DSTYK: variants seen among roughly 807,000 people sequenced by gnomAD.
DSTYK encodes RIP-homologous kinase.
DSTYK carries 34 observed loss-of-function variants against 98.7 expected under a neutral mutation model. That is an observed-to-expected ratio of 0.34 (90% CI 0.26 to 0.46). The LOEUF is 0.46. Among genes scored for constraint, DSTYK ranks in the 20% least tolerant of loss-of-function variants. The pLI, the probability that DSTYK is intolerant of heterozygous loss-of-function variation, is 1.00. For missense variants in DSTYK, 962 were observed against 1,181.7 expected, an observed-to-expected ratio of 0.81 and a Z score of 2.73; for synonymous variants, 462 against 457.3, an observed-to-expected ratio of 1.01 and a Z score of -0.13.
Position 205,162,144 on chromosome 1 carries a change from C to T in DSTYK, c.1710G>A (p.Gln570=), listed in dbSNP as rs553558535. 3 of 1,614,160 alleles carry T rather than the reference C, an allele frequency of 1.9e-6. No homozygotes were observed. Among genetic ancestry groups the T allele is most frequent in the South Asian group, 2.2e-5 (2 of 91,076 alleles). ...ITLEWKRKVA[Q]EAIESLSASK... ...AGGCGCTGAGGCTCTCAATGGCTTC[C>T]TGGGCCACCTTCCTCTTCCATTCCA... is the stretch of plus-strand genomic sequence containing the variant. The change falls in exon 6 of 13, where the codon CAG becomes CAA. Residue 570 remains glutamine, a synonymous_variant. Transcript: ENST00000367162.
chr1:205,207,785 A>G lies in DSTYK; in HGVS notation c.265+3486T>C, dbSNP rs1418365814. On this transcript the variant is annotated intron_variant, in intron 1 of 12. Transcript: ENST00000367162. ...AAAAAAAAAAAAAAAAAAAAAAAAAAAAAAAAAAGAAAAAAAATACTTTTC... is the reference window on the plus strand; with the variant it reads ...AAAAAAAAAAAAAAAAAAAAAAAAAGAAAAAAAAGAAAAAAAATACTTTTC... Among the ~76,000 whole-genome samples, 15 of 137,200 alleles carry G rather than the reference A, an allele frequency of 1.1e-4. No individual in the cohort carries two copies. The South Asian group carries it at 1.7e-3, about 16-fold the overall frequency. The allele number at this position is 137,200 out of a possible 152,430, so 90.0% of individuals were successfully genotyped here.
chr1:205,178,926 G>C (rs558635310), intron 2 of DSTYK, among the ~76,000 whole-genome samples: 5 of 151,516 alleles, frequency 3.3e-5, no homozygotes, highest in African/African-American at 1.2e-4. Flanking sequence ...CTTCAGCCTA[G>C]AAGACCAGCC....
intron 3 of DSTYK, among the ~76,000 whole-genome samples, chr1:205,165,652 A>G (rs1279922370): frequency 6.6e-6 from 1 of 152,220 alleles, no homozygotes; most frequent in Non-Finnish European, 1.5e-5. Context: ...CAACCAAGAA[A>G]AATCTACATA....
Position 205,161,428 on chromosome 1 carries a change from T to C in DSTYK, c.1819-41A>G, listed in dbSNP as rs1049281932. 13 of 1,605,920 alleles carry C rather than the reference T, an allele frequency of 8.1e-6. No individual in the cohort carries two copies. The African/African-American group carries it at 1.6e-4, about 20-fold the overall frequency. On this transcript the variant is annotated intron_variant, in intron 6 of 12. Transcript: ENST00000367162. ...AAAAAGTACATATGACTTAAGTCCC[T>C]AGCTTCAGCTTCCTCACCTGTTATA...
chr1:205,142,691 C>G lies in DSTYK; in HGVS notation c.*4867G>C, dbSNP rs565628839. ...TGCTGTAACAATATTATGGAAAGAG[C>G]CAGGTAGCACAAGAAAGGAGAGAGG... On this transcript the variant is annotated 3_prime_UTR_variant, in exon 13 of 13. Transcript: ENST00000367162. 6.6e-6 allele frequency: 1 copy of G among 152,306 alleles called. No homozygotes were observed. Among genetic ancestry groups the G allele is most frequent in the South Asian group, 2.1e-4 (1 of 4,828 alleles). 9.4% of individuals were successfully genotyped at this position (152,306 alleles called of 1,614,324 possible).
rs1222388169 is a variant in DSTYK at position 205,185,436 on chromosome 1, T to C, written c.654+1982A>G. On this transcript the variant is annotated intron_variant, in intron 2 of 12. Coordinates refer to ENST00000367162, the MANE Select transcript of DSTYK (RefSeq NM_015375.3). ...CTATGTTGCCCAGGCTGGATACAAC[T>C]TCTTAGGTTCAAGCAATCCTCATGC... 2.0e-5 allele frequency among the ~76,000 whole-genome samples: 3 copies of C among 152,028 alleles called. No individual in the cohort carries two copies. The East Asian group carries it at 5.8e-4, about 29-fold the overall frequency.
chr1:205,192,407 G>A (rs1390842551), intron 1 of DSTYK, among the ~76,000 whole-genome samples: 1 of 152,020 alleles, frequency 6.6e-6, no homozygotes, highest in African/African-American at 2.4e-5. Flanking sequence ...AATCAGCTAG[G>A]CATGGTGATG....
intron 2 of DSTYK, among the ~76,000 whole-genome samples, chr1:205,186,110 C>T (rs1658552380): frequency 6.6e-6 from 1 of 152,194 alleles, no homozygotes; most frequent in South Asian, 2.1e-4. Context: ...TAGACCAAGA[C>T]TGTATACTAC....
rs1657233106 is a variant in DSTYK, at chr1:205,146,359, A to C, written c.*1199T>G. 6.6e-6 allele frequency: 1 copy of C among 151,964 alleles called. No individual in the cohort carries two copies. Among genetic ancestry groups the C allele is most frequent in the Admixed American group, 6.6e-5 (1 of 15,234 alleles). The allele number at this position is 151,964 out of a possible 1,614,324, so 9.4% of individuals were successfully genotyped here. A position where few individuals can be genotyped will look rare whatever the true frequency, so the allele number is the denominator to read the frequency against. On this transcript the variant is annotated 3_prime_UTR_variant, in exon 13 of 13. Transcript: ENST00000367162. ...CGCATTGGGTTGGTTTTGCTTAGAC[A>C]CTCACTCCTAAGTACCATGTTATCT... is the stretch of plus-strand genomic sequence containing the variant.
At chr1:205,192,007 G>T (rs1658727083) in intron 1 of DSTYK, among the ~76,000 whole-genome samples, 1 of 152,060 alleles carries the variant, frequency 6.6e-6, no homozygotes, top group Non-Finnish European at 1.5e-5. Context: ...TTCTGTTGTT[G>T]TTGTTGTTCT....
chr1:205,207,787 A>G lies in DSTYK; in HGVS notation c.265+3484T>C, dbSNP rs914509742. On this transcript the variant is annotated intron_variant, in intron 1 of 12. Transcript: ENST00000367162. ...AAAAAAAAAAAAAAAAAAAAAAAAA[A>G]AAAAAAGAAAAAAAATACTTTTCCC... Among the ~76,000 whole-genome samples the G allele has an allele frequency of 8.6e-4, 118 of 137,210 alleles. 1 individual carries two copies. Among genetic ancestry groups the G allele is most frequent in the Middle Eastern group, 3.7e-3 (1 of 270 alleles). The allele number at this position is 137,210 out of a possible 152,430, so 90.0% of individuals were successfully genotyped here.
intron 2 of DSTYK, among the ~76,000 whole-genome samples, chr1:205,186,743 G>A (rs1658569022): frequency 1.3e-5 from 2 of 152,214 alleles, no homozygotes; most frequent in African/African-American, 4.8e-5. Context: ...AAGTGATAAT[G>A]TATAAAGTCT....
intron 10 of DSTYK, among the ~76,000 whole-genome samples, chr1:205,155,456 G>T (rs986283994): frequency 6.6e-6 from 1 of 151,742 alleles, no homozygotes; most frequent in Non-Finnish European, 1.5e-5. Context: ...ATCACTTGAG[G>T]TCTGGAGTTG....
intron 1 of DSTYK, among the ~76,000 whole-genome samples, chr1:205,200,343 T>C (rs997929596): frequency 2.8e-5 from 3 of 108,806 alleles, no homozygotes; most frequent in Non-Finnish European, 7.4e-5. Context: ...CAGCCAATTT[T>C]TTGTATTTTT....
chr1:205,161,192 C>G, intron 7 of DSTYK, 66 bp downstream of exon 7: 1 of 1,585,536 alleles, frequency 6.3e-7, no homozygotes. Flanking sequence ...TTCTCTGAGG[C>G]TGGACATAAG....
chr1:205,148,421 T>C lies in DSTYK; in HGVS notation c.2468-82A>G, dbSNP rs542520407. The C allele has an allele frequency of 1.7e-5, 26 of 1,567,136 alleles. No homozygotes were observed. The African/African-American group carries it at 2.2e-4, about 13-fold the overall frequency. The stretch of plus-strand genomic sequence containing the variant: ...TACACCACCTTGCCTCAGTAGAGGG[T>C]TGGCTTTTTCCAAAGCTTTTAACAA... On this transcript the variant is annotated intron_variant, in intron 11 of 12. Coordinates refer to ENST00000367162, the MANE Select transcript of DSTYK (RefSeq NM_015375.3).
chr1:205,207,629 G>A (rs540910912), intron 1 of DSTYK, among the ~76,000 whole-genome samples: 3 of 149,332 alleles, frequency 2.0e-5, no homozygotes, highest in East Asian at 4.2e-4. Flanking sequence ...GGTGGCAGGC[G>A]CCTATAGTCC....
chr1:205,142,679 T>C lies in DSTYK; in HGVS notation c.*4879A>G, dbSNP rs1322821287. ...TTAAGACGGTCCTGCTGTAACAATA[T>C]TATGGAAAGAGCCAGGTAGCACAAG... On this transcript the variant is annotated 3_prime_UTR_variant, in exon 13 of 13. Coordinates refer to ENST00000367162, the MANE Select transcript of DSTYK (RefSeq NM_015375.3). The C allele has an allele frequency of 6.6e-6, 1 of 152,196 alleles. No individual in the cohort carries two copies. The highest frequency in any genetic ancestry group is 2.4e-5 in the African/African-American group (1 of 41,422). 9.4% of individuals were successfully genotyped at this position (152,196 alleles called of 1,614,324 possible).
Position 205,162,209 on chromosome 1 carries a change from T to C in DSTYK, c.1645A>G (p.Ile549Val). ...GGGCTCACCCATGTGATGCGCTGGA[T>C]GATCTACCAGGATGAAGACAGCGAG... ...RMLWEQIKQI[I>V]QRITWVSPPA... Residue 549 changes from isoleucine to valine, a missense_variant, in exon 6 of 13, where the codon ATC (isoleucine) becomes GTC (valine). Around this residue, in one of 4 missense-constraint regions of DSTYK, gnomAD observed 660 missense variants for 855.0 expected, o/e 0.77. Transcript: ENST00000367162. 1.2e-6 allele frequency: 2 copies of C among 1,613,884 alleles called. No individual in the cohort carries two copies. Among genetic ancestry groups the C allele is most frequent in the Non-Finnish European group, 1.7e-6 (2 of 1,179,824 alleles).
Sources: gnomAD v4.1 joint callset for allele counts (sites outside exome capture counted in the v4.1 genomes callset) on GRCh38, gnomAD v4.1.1 for gene constraint, gnomAD v4.1.1 regional missense constraint, MANE v1.5 for transcripts, NCBI Gene and HGNC (gene_info 2026-07-23, HGNC 2026-07-21) for gene names.